MYO3A: variants seen among roughly 807,000 people sequenced by gnomAD.
The protein encoded by MYO3A is myosin IIIA.
In MYO3A, 180 loss-of-function variants were observed where a neutral mutation model predicts 192.7. That is an observed-to-expected ratio of 0.93 (90% confidence interval 0.83 to 1.06). The LOEUF is 1.06. Ranked by LOEUF, MYO3A falls within the 50% of genes least tolerant of loss-of-function variation. The probability of loss-of-function intolerance (pLI) is 0.00; values close to 1 mark genes in which losing one functional copy is unlikely to be tolerated. For missense variants in MYO3A, 1,896 were observed against 1,905.0 expected, an observed-to-expected ratio of 1.00 and a Z score of 0.09; for synonymous variants, 628 against 645.3, an observed-to-expected ratio of 0.97 and a Z score of 0.41.
intron 29 of MYO3A, among the ~76,000 whole-genome samples, chr10:26,170,957 G>A (rs1187960172): frequency 6.6e-6 from 1 of 152,182 alleles, no homozygotes; most frequent in Non-Finnish European, 1.5e-5. Context: ...GTACTTCCAA[G>A]TGCATGTTAG....
At chr10:25,997,348 G>A (rs1840520847) in intron 6 of MYO3A, 90 bp downstream of exon 6, 1 of 1,002,238 alleles carries the variant, frequency 1.0e-6, no homozygotes, top group Admixed American at 1.8e-5. Context: ...TCCTTTCTAG[G>A]TATTGGAAAT....
chr10:26,165,831 A>C (rs912923093), intron 26 of MYO3A: 25 of 588,356 alleles, frequency 4.2e-5, no homozygotes, highest in Non-Finnish European at 1.2e-5. Context: ...TTAAGTTTTG[A>C]AAGGTGATCA....
At chr10:26,059,631 C>T (rs908287530) in intron 10 of MYO3A, among the ~76,000 whole-genome samples, 3 of 152,222 alleles carry the variant, frequency 2.0e-5, no homozygotes, top group African/African-American at 7.2e-5. Flanking sequence ...TTAATTTTCC[C>T]TCCTTGCTAT....
intron 20 of MYO3A, among the ~76,000 whole-genome samples, chr10:26,132,785 C>G (rs1218934065): frequency 1.3e-5 from 2 of 152,018 alleles, no homozygotes; most frequent in Non-Finnish European, 2.9e-5. Context: ...GTTTTAGAAG[C>G]AGGAAACTAT....
At chr10:26,061,073 C>T (rs1834441806) in intron 10 of MYO3A, among the ~76,000 whole-genome samples, 1 of 151,930 alleles carries the variant, frequency 6.6e-6, no homozygotes, top group Admixed American at 6.6e-5. Flanking sequence ...GGACTACAGG[C>T]GCCTGCCACC....
At chr10:26,149,072 G>A (rs1324025141) in intron 23 of MYO3A, among the ~76,000 whole-genome samples, 3 of 151,980 alleles carry the variant, frequency 2.0e-5, no homozygotes, top group Non-Finnish European at 4.4e-5. Context: ...CTGATCTTGG[G>A]GAAAGAGTAG....
At chr10:26,032,220 C>G (rs1842830991) in intron 10 of MYO3A, among the ~76,000 whole-genome samples, 1 of 152,122 alleles carries the variant, frequency 6.6e-6, no homozygotes, top group South Asian at 2.1e-4. Flanking sequence ...GTCCACTTGT[C>G]CCAGCATCTA....
At chr10:26,100,321 G>A (rs188326658) in intron 17 of MYO3A, among the ~76,000 whole-genome samples, 477 of 152,050 alleles carry the variant, frequency 3.1e-3, no homozygotes, top group Non-Finnish European at 6.0e-3. Context: ...TGTTGCTAGC[G>A]GTCTATCAAT....
chr10:26,186,267 T>TTTTC (rs386370972), intron 31 of MYO3A, among the ~76,000 whole-genome samples: 4 of 57,584 alleles, frequency 6.9e-5, no homozygotes, highest in African/African-American at 2.8e-4. Flanking sequence ...GATATCCTTC[T>TTTTC]TTTTTTTTTT....
intron 20 of MYO3A, among the ~76,000 whole-genome samples, chr10:26,133,374 G>T (rs921388730): frequency 1.3e-5 from 2 of 152,138 alleles, no homozygotes; most frequent in Admixed American, 1.3e-4. Flanking sequence ...AGGTGTTTCG[G>T]GACCCTTGCA....
At chr10:26,075,821 C>A (rs1835536224) in intron 14 of MYO3A, among the ~76,000 whole-genome samples, 1 of 148,020 alleles carries the variant, frequency 6.8e-6, no homozygotes, top group African/African-American at 2.5e-5. Flanking sequence ...ATATATGTCT[C>A]TCATATATAT....
chr10:26,114,541 G>A (rs1024443158), intron 17 of MYO3A, among the ~76,000 whole-genome samples: 9 of 152,118 alleles, frequency 5.9e-5, no homozygotes, highest in Non-Finnish European at 1.2e-4. Flanking sequence ...ACCACTCACT[G>A]AGGATGCAAA....
At chr10:25,999,969 T>C (rs1424423452) in intron 6 of MYO3A, among the ~76,000 whole-genome samples, 1 of 152,220 alleles carries the variant, frequency 6.6e-6, no homozygotes, top group East Asian at 1.9e-4. Flanking sequence ...ATCTCTTGCC[T>C]GGGCTCCTGC....
chr10:26,121,122 A>T (rs1838835756), intron 18 of MYO3A, among the ~76,000 whole-genome samples: 1 of 151,670 alleles, frequency 6.6e-6, no homozygotes, highest in Non-Finnish European at 1.5e-5. Context: ...GAATTATGTT[A>T]TTGTCTTATA....
intron 4 of MYO3A, among the ~76,000 whole-genome samples, chr10:25,991,790 T>G (rs2130864358): frequency 6.6e-6 from 1 of 152,064 alleles, no homozygotes; most frequent in Non-Finnish European, 1.5e-5. Context: ...CCATTGCTTG[T>G]TTTTGTCGGG....
At chr10:26,161,365 G>T (rs1564610226) in intron 26 of MYO3A, among the ~76,000 whole-genome samples, 3 of 152,190 alleles carry the variant, frequency 2.0e-5, no homozygotes, top group African/African-American at 7.2e-5. Context: ...AAGACACTGG[G>T]TTTTTACTGC....
chr10:26,078,094 T>C (rs1447185968), intron 14 of MYO3A, among the ~76,000 whole-genome samples: 1 of 151,588 alleles, frequency 6.6e-6, no homozygotes, highest in Admixed American at 6.6e-5. Context: ...CTTTAATGTC[T>C]GGTAGAATTC....
intron 10 of MYO3A, among the ~76,000 whole-genome samples, chr10:26,065,477 C>G (rs535851938): frequency 1.3e-5 from 2 of 148,726 alleles, no homozygotes; most frequent in African/African-American, 5.0e-5. Context: ...CCCAGCCACT[C>G]GGGAAGCTGA....
intron 18 of MYO3A, among the ~76,000 whole-genome samples, chr10:26,122,866 A>G (rs1838962552): frequency 6.6e-6 from 1 of 152,326 alleles, no homozygotes; most frequent in East Asian, 1.9e-4. Context: ...CCTAGCATGT[A>G]GTAGACAATA....
Sources: gnomAD v4.1 joint callset for allele counts (sites outside exome capture counted in the v4.1 genomes callset) on GRCh38, gnomAD v4.1.1 for gene constraint, MANE v1.5 for transcripts, NCBI Gene and HGNC (gene_info 2026-07-23, HGNC 2026-07-21) for gene names.